The following CDK12 variants were observed in gnomAD, a reference collection of about 807,000 sequenced individuals.
The protein encoded by CDK12 is cyclin-dependent kinase 12.
In CDK12, 17 loss-of-function variants were observed where a neutral mutation model predicts 133.8. The observed-to-expected ratio is 0.13, with a 90% CI of 0.09 to 0.19. The LOEUF (loss-of-function observed/expected upper bound fraction) is 0.19, where lower values mean the gene tolerates loss of function less well. Among genes scored for constraint, CDK12 ranks in the 10% least tolerant of loss-of-function variants. The pLI is 1.00. For synonymous variants in CDK12, 694 were observed against 683.6 expected (o/e 1.02, Z -0.24); for missense variants, 1,508 against 1,818.7 (o/e 0.83, Z 3.11).
At chr17:39,547,448 T>C (rs1302942635), upstream of CDK12, among the ~76,000 whole-genome samples, 1 of 152,164 alleles carries the variant, frequency 6.6e-6, no homozygotes, top group East Asian at 1.9e-4. Context: ...CCTGGATCTT[T>C]TGAGCGAATG....
At chr17:39,537,104 T>C (rs563207027), downstream of CDK12, among the ~76,000 whole-genome samples, 1 of 152,310 alleles carries the variant, frequency 6.6e-6, no homozygotes, top group South Asian at 2.1e-4. Context: ...CAGTCAGAGC[T>C]AAGTAAAGAA....
chr17:39,498,846 T>C, intron 5 of CDK12, among the ~76,000 whole-genome samples: 2 of 151,530 alleles, frequency 1.3e-5, no homozygotes, highest in African/African-American at 4.9e-5. Flanking sequence ...GATTCATTTT[T>C]CTCTCAATTT....
At chr17:39,550,452 T>G (rs931712760) in intron 1 of CDK12, 1 of 152,280 alleles carries the variant, frequency 6.6e-6, no homozygotes, top group African/African-American at 2.4e-5. Flanking sequence ...GTGAGGCTGT[T>G]TTCTTGCTCC....
chr17:39,507,667 T>C (rs1005908107), intron 6 of CDK12, among the ~76,000 whole-genome samples: 3 of 152,198 alleles, frequency 2.0e-5, no homozygotes, highest in Admixed American at 6.5e-5. Context: ...GCTGGTGATA[T>C]TCAGGTCTAC....
In CDK12 at chr17:39,492,865, A is replaced by G. The variant is rs1224518290; in HGVS notation, c.2223A>G (p.Val741=). 1.2e-6 allele frequency: 2 copies of G among 1,611,338 alleles called. No homozygotes were observed. Among genetic ancestry groups the G allele is most frequent in the Non-Finnish European group, 1.7e-6 (2 of 1,179,186 alleles). Residue 741 remains valine (V), a synonymous_variant, in exon 4 of 14, where the codon GTA becomes GTG. Transcript: ENST00000447079. ...TTGGAGAAGGAACCTATGGCCAAGTATATAAAGCCAAGGACAAAGACACAG... is the reference window on the plus strand; with the variant it reads ...TTGGAGAAGGAACCTATGGCCAAGTGTATAAAGCCAAGGACAAAGACACAG... ...GIIGEGTYGQ[V]YKAKDKDTGE...
At chr17:39,544,161 G>A (rs1407026333), upstream of CDK12, 2 of 472,148 alleles carry the variant, frequency 4.2e-6, no homozygotes, top group African/African-American at 4.0e-5. Context: ...CCTACCAATG[G>A]ATGCTTCCTG....
rs557295117 is a variant in CDK12, at chr17:39,514,612, A to G, written c.2769-1119A>G. Among the ~76,000 whole-genome samples the G allele has an allele frequency of 6.6e-5, 10 of 152,278 alleles. No individual in the cohort carries two copies. In the South Asian group the frequency reaches 2.1e-3, roughly 32 times the overall value. On this transcript the variant is annotated intron_variant, in intron 8 of 13. Coordinates refer to ENST00000447079, the MANE Select transcript of CDK12 (RefSeq NM_016507.4). ...TGCCTAGGCCTCCCAAAGTGCTGGGATCACAGACATGAGCTGCCATGCTCA... is the reference window on the plus strand; with the variant it reads ...TGCCTAGGCCTCCCAAAGTGCTGGGGTCACAGACATGAGCTGCCATGCTCA...
At chr17:39,552,058 A>C in intron 2 of CDK12, among the ~76,000 whole-genome samples, 1 of 149,702 alleles carries the variant, frequency 6.7e-6, no homozygotes, top group Non-Finnish European at 1.5e-5. Flanking sequence ...TTATATCCCC[A>C]AATCCCCTGA....
rs141321265 is a variant in CDK12, at chr17:39,462,847, A to G, written c.776A>G (p.Tyr259Cys). Residue 259 changes from tyrosine (Y) to cysteine (C), a missense_variant, in exon 1 of 14, where the codon TAT (tyrosine) becomes TGT (cysteine). Physicochemically the swap from Tyr to Cys is radical, Grantham distance 194. Transcript: ENST00000447079. ...SPSRSHTSSN[Y>C]DSYKKSPGST... Reference sequence around the variant, plus strand: ...TCACGATCTCATACCTCGAGCAATTATGACTCCTACAAGAAAAGTCCTGGA... The same window carrying G: ...TCACGATCTCATACCTCGAGCAATTGTGACTCCTACAAGAAAAGTCCTGGA... 210 of 1,614,130 alleles carry G rather than the reference A, an allele frequency of 1.3e-4. No homozygotes were observed. Among genetic ancestry groups the G allele is most frequent in the Middle Eastern group, 6.6e-4 (4 of 6,062 alleles).
At chr17:39,505,543 A>AC (rs2053058870) in intron 6 of CDK12, among the ~76,000 whole-genome samples, 1 of 151,296 alleles carries the variant, frequency 6.6e-6, no homozygotes, top group Non-Finnish European at 1.5e-5. Flanking sequence ...AAAAAAAAAA[A>AC]GATTTGGGAA....
chr17:39,484,722 A>G (rs992881092), intron 2 of CDK12, among the ~76,000 whole-genome samples: 1 of 152,116 alleles, frequency 6.6e-6, no homozygotes, highest in Non-Finnish European at 1.5e-5. Context: ...CCCTAATCCA[A>G]AAATCTAGAA....
chr17:39,523,925 A>G (rs1260588948), intron 11 of CDK12, among the ~76,000 whole-genome samples: 1 of 152,212 alleles, frequency 6.6e-6, no homozygotes, highest in Non-Finnish European at 1.5e-5. Context: ...TGCTGGGATT[A>G]CAGGCATGAG....
downstream of CDK12, chr17:39,534,701 G>A (rs2055052522): frequency 5.1e-6 from 1 of 194,928 alleles, no homozygotes; most frequent in South Asian, 1.9e-4. Flanking sequence ...AGGTTATCAG[G>A]ATTTGAAGAG....
In CDK12 at chr17:39,532,114, C is replaced by CTATCTA. The variant is rs199838246; in HGVS notation, c.*799_*800insATCTAT. 2.0e-5 allele frequency: 4 copies of CTATCTA among 202,062 alleles called. No homozygotes were observed. Among genetic ancestry groups the CTATCTA allele is most frequent in the African/African-American group, 7.1e-5 (3 of 42,082 alleles). 12.5% of individuals were successfully genotyped at this position (202,062 alleles called of 1,614,324 possible). On this transcript the variant is annotated 3_prime_UTR_variant, in exon 14 of 14. Transcript: ENST00000447079. ...TCTCTCTCTCTCTTTCTCTCTCTCT[C>CTATCTA]TCTCTCTCTCTCTCTCTCTCTCTCT...
chr17:39,469,205 T>C (rs184547738), intron 1 of CDK12, among the ~76,000 whole-genome samples: 1 of 152,174 alleles, frequency 6.6e-6, no homozygotes, highest in African/African-American at 2.4e-5. Context: ...ATTAATGACA[T>C]TTGGGTTTCA....
intron 3 of CDK12, among the ~76,000 whole-genome samples, chr17:39,558,474 T>C (rs1274465344): frequency 2.0e-5 from 3 of 152,248 alleles, no homozygotes; most frequent in Non-Finnish European, 4.4e-5. Context: ...CCAGGCATTG[T>C]ACTGAGTGTG....
In CDK12 at chr17:39,514,000, C is replaced by T. The variant is rs118039351; in HGVS notation, c.2769-1731C>T. 4.2e-3 allele frequency among the ~76,000 whole-genome samples: 634 copies of T among 152,130 alleles called. 5 individuals are homozygous for T. The highest frequency in any genetic ancestry group is 4.6e-3 in the Non-Finnish European group (313 of 67,998). On this transcript the variant is annotated intron_variant, in intron 8 of 13. Transcript: ENST00000447079. ...ATGTCTCTGATTTTACCCGCTGTGA[C>T]GACAACATTGCACTTAGAACTTGAT...
chr17:39,465,233 C>G (rs1405075221), intron 1 of CDK12, among the ~76,000 whole-genome samples: 1 of 118,968 alleles, frequency 8.4e-6, no homozygotes, highest in Non-Finnish European at 1.6e-5. Flanking sequence ...GTGACAGAGA[C>G]AGAGTAAGAC....
At chr17:39,468,519 A>G (rs1274428651) in intron 1 of CDK12, among the ~76,000 whole-genome samples, 2 of 152,054 alleles carry the variant, frequency 1.3e-5, no homozygotes, top group African/African-American at 4.8e-5. Flanking sequence ...CTTGTTGCCC[A>G]GGCTGGAGTG....
Sources: allele counts gnomAD v4.1 joint callset (sites outside exome capture counted in the v4.1 genomes callset), GRCh38; gene constraint gnomAD v4.1.1; transcripts MANE v1.5; gene names NCBI Gene and HGNC (gene_info 2026-07-23, HGNC 2026-07-21).